ERC2: variants seen among roughly 807,000 people sequenced by gnomAD.
The protein encoded by ERC2 is ERC protein 2.
Under a neutral mutation model 114.8 loss-of-function variants are expected in ERC2, and 42 were observed. That is an observed-to-expected ratio of 0.37 (90% CI 0.29 to 0.47). ERC2 has a LOEUF of 0.47. Ranked by LOEUF, ERC2 falls within the 20% of genes least tolerant of loss-of-function variation. The pLI is 0.99. For missense variants in ERC2, 939 were observed against 1,150.7 expected (o/e 0.82, Z 2.66); for synonymous variants, 454 against 425.5 (o/e 1.07, Z -0.82).
At chr3:56,323,079 G>A (rs1371422742) in intron 2 of ERC2, among the ~76,000 whole-genome samples, 3 of 152,152 alleles carry the variant, frequency 2.0e-5, no homozygotes, top group African/African-American at 4.8e-5. Flanking sequence ...GCTGTGAGTT[G>A]AAGCAGCATG....
At chr3:55,677,196 G>T (rs753785486) in intron 17 of ERC2, among the ~76,000 whole-genome samples, 1 of 152,052 alleles carries the variant, frequency 6.6e-6, no homozygotes, top group Admixed American at 6.5e-5. Flanking sequence ...TCTTTAAGCC[G>T]AAAGAAACCC....
intron 2 of ERC2, among the ~76,000 whole-genome samples, chr3:56,326,356 AT>A (rs1295823347): frequency 6.6e-6 from 1 of 152,216 alleles, no homozygotes; most frequent in Non-Finnish European, 1.5e-5. Context: ...TTGGATCCTG[AT>A]AGTGCTCCAC....
chr3:55,800,363 C>T (rs921072257), intron 14 of ERC2, among the ~76,000 whole-genome samples: 3 of 151,988 alleles, frequency 2.0e-5, no homozygotes, highest in East Asian at 1.9e-4. Flanking sequence ...AGGCTGGTCT[C>T]GAACTCCTGA....
intron 3 of ERC2, among the ~76,000 whole-genome samples, chr3:56,260,285 ATCT>A (rs1248591966): frequency 9.2e-5 from 14 of 152,178 alleles, no homozygotes; most frequent in African/African-American, 3.4e-4. Context: ...ACTGCCAAAC[ATCT>A]TCTTATGGGA....
At chr3:56,462,424 G>A (rs1048946522) in intron 1 of ERC2, among the ~76,000 whole-genome samples, 4 of 152,138 alleles carry the variant, frequency 2.6e-5, no homozygotes, top group South Asian at 2.1e-4. Flanking sequence ...TGTATGTCAT[G>A]CACTCAAGCC....
At chr3:56,005,361 C>G (rs1032799359) in intron 10 of ERC2, among the ~76,000 whole-genome samples, 1 of 152,020 alleles carries the variant, frequency 6.6e-6, no homozygotes. Context: ...TGTGTGGTGT[C>G]TACCTGCGAG....
At chr3:56,008,148 T>G (rs77392726) in intron 9 of ERC2, among the ~76,000 whole-genome samples, 1 of 152,232 alleles carries the variant, frequency 6.6e-6, no homozygotes, top group Non-Finnish European at 1.5e-5. Flanking sequence ...ACAGACTCCA[T>G]GTATTTCCTT....
chr3:55,680,273 A>T (rs1281840512), intron 17 of ERC2, among the ~76,000 whole-genome samples: 1 of 152,232 alleles, frequency 6.6e-6, no homozygotes, highest in Non-Finnish European at 1.5e-5. Flanking sequence ...TGGTTTAAGA[A>T]ATAAAAACTT....
chr3:56,465,199 G>C (rs1378492062), intron 1 of ERC2, among the ~76,000 whole-genome samples: 5 of 152,198 alleles, frequency 3.3e-5, no homozygotes, highest in African/African-American at 1.2e-4. Context: ...AGGAGTTCAA[G>C]ACCAGCCTGG....
Position 55,958,721 on chromosome 3 carries a change from C to T in ERC2, c.2268-8161G>A, listed in dbSNP as rs916097274. 3.3e-5 allele frequency among the ~76,000 whole-genome samples: 5 copies of T among 152,328 alleles called. No homozygotes were observed. The East Asian group carries it at 7.7e-4, about 24-fold the overall frequency. On this transcript the variant is annotated intron_variant, in intron 12 of 17. Coordinates refer to ENST00000288221, the MANE Select transcript of ERC2 (RefSeq NM_015576.3). ...GTGTCAGTGCTGCCCTGAGCATGCG[C>T]GCACCTGGCCAGGTTGCAGCAGCGC... is the stretch of plus-strand genomic sequence containing the variant.
At chr3:55,706,137 G>T (rs1246826383) in intron 15 of ERC2, among the ~76,000 whole-genome samples, 1 of 152,108 alleles carries the variant, frequency 6.6e-6, no homozygotes, top group African/African-American at 2.4e-5. Context: ...TACATAAATA[G>T]CCAGCATCCT....
At chr3:56,104,377 G>A (rs926130326) in intron 6 of ERC2, among the ~76,000 whole-genome samples, 8 of 152,266 alleles carry the variant, frequency 5.3e-5, no homozygotes, top group Non-Finnish European at 1.0e-4. Context: ...ATTCCAATTA[G>A]TTCTGCCTGA....
At chr3:56,447,205 G>T (rs1396926870) in intron 1 of ERC2, among the ~76,000 whole-genome samples, 1 of 152,234 alleles carries the variant, frequency 6.6e-6, no homozygotes, top group Non-Finnish European at 1.5e-5. Context: ...GACTGGGTTG[G>T]CCTTCCCTTG....
intron 17 of ERC2, among the ~76,000 whole-genome samples, chr3:55,641,463 T>C (rs900443219): frequency 7.1e-6 from 1 of 141,826 alleles, no homozygotes; most frequent in South Asian, 2.2e-4. Flanking sequence ...GGCAGGAAAA[T>C]TGCTTGAACC....
intron 3 of ERC2, among the ~76,000 whole-genome samples, chr3:56,239,881 T>A (rs79403615): frequency 0.014 from 2,179 of 152,296 alleles, 26 homozygotes; most frequent in Non-Finnish European, 0.023. Flanking sequence ...AACCTCCTCC[T>A]CCAATGTAGA....
At chr3:56,057,943 A>G (rs1011222600) in intron 7 of ERC2, among the ~76,000 whole-genome samples, 23 of 152,336 alleles carry the variant, frequency 1.5e-4, no homozygotes, top group African/African-American at 5.1e-4. Context: ...AAATATGAGA[A>G]TTTTAAATAA....
rs568267853 is a variant in ERC2, at chr3:55,829,673, T to A, written c.2564+58716A>T. ...GGGACCACAGGTGTGCACCACCACA[T>A]CCAGTTAATTGCTTTTTAAAATTTT... is the stretch of plus-strand genomic sequence containing the variant. On this transcript the variant is annotated intron_variant, in intron 14 of 17. Transcript: ENST00000288221. Among the ~76,000 whole-genome samples the A allele has an allele frequency of 1.3e-3, 194 of 152,220 alleles. 1 individual carries two copies. The highest frequency in any genetic ancestry group is 4.4e-3 in the African/African-American group (182 of 41,532).
chr3:55,856,320 G>C (rs1454102862), intron 14 of ERC2, among the ~76,000 whole-genome samples: 2 of 152,166 alleles, frequency 1.3e-5, no homozygotes, highest in African/African-American at 4.8e-5. Flanking sequence ...GGGTTTGAAA[G>C]AGAGAAAGAC....
At chr3:56,316,892 C>G (rs1218375011) in intron 2 of ERC2, among the ~76,000 whole-genome samples, 1 of 152,140 alleles carries the variant, frequency 6.6e-6, no homozygotes, top group Non-Finnish European at 1.5e-5. Flanking sequence ...AGAGTCTATA[C>G]AGAGAGGTAT....
Sources: allele counts gnomAD v4.1 joint callset (sites outside exome capture counted in the v4.1 genomes callset), GRCh38; gene constraint gnomAD v4.1.1; transcripts MANE v1.5; gene names NCBI Gene and HGNC (gene_info 2026-07-23, HGNC 2026-07-21).